The following THRB variants were observed in gnomAD, a reference collection of about 807,000 sequenced individuals.
The protein encoded by THRB is thyroid hormone receptor beta.
THRB carries 12 observed loss-of-function variants against 47.8 expected under a neutral mutation model. That is an observed-to-expected ratio of 0.25 (90% confidence interval 0.16 to 0.41). The LOEUF (loss-of-function observed/expected upper bound fraction) is 0.41, where lower values mean the gene tolerates loss of function less well. Among genes scored for constraint, THRB ranks in the 10% least tolerant of loss-of-function variants. THRB has a pLI of 1.00. For synonymous variants in THRB, 218 were observed against 212.2 expected, an observed-to-expected ratio of 1.03 and a Z score of -0.24; for missense variants, 348 against 589.2, an observed-to-expected ratio of 0.59 and a Z score of 4.24.
intron 1 of THRB, among the ~76,000 whole-genome samples, chr3:24,355,765 A>G (rs967989301): frequency 4.0e-5 from 6 of 151,864 alleles, no homozygotes; most frequent in Admixed American, 2.6e-4. Flanking sequence ...AGGTATACGT[A>G]TATTAGTAAA....
chr3:24,212,235 A>G (rs1382832525), intron 4 of THRB, among the ~76,000 whole-genome samples: 9 of 152,050 alleles, frequency 5.9e-5, no homozygotes, highest in East Asian at 1.9e-4. Context: ...CATCTCTACT[A>G]AAAATACAAA....
chr3:24,436,982 C>T (rs1475725685), intron 1 of THRB, among the ~76,000 whole-genome samples: 21 of 151,900 alleles, frequency 1.4e-4, no homozygotes, highest in Admixed American at 7.2e-4. Context: ...AGAGGGTTGA[C>T]GCAAAAGAGA....
intron 3 of THRB, among the ~76,000 whole-genome samples, chr3:24,277,808 T>C (rs767677571): frequency 1.3e-5 from 2 of 152,204 alleles, no homozygotes. Context: ...ATGTTACATA[T>C]AAATATGAGG....
intron 1 of THRB, among the ~76,000 whole-genome samples, chr3:24,338,231 C>T (rs2062394018): frequency 6.6e-6 from 1 of 151,928 alleles, no homozygotes; most frequent in African/African-American, 2.4e-5. Context: ...TGAAGAATGC[C>T]TTTTTTTAAA....
intron 4 of THRB, among the ~76,000 whole-genome samples, chr3:24,221,524 A>C (rs1489167658): frequency 1.3e-5 from 2 of 152,112 alleles, no homozygotes; most frequent in Non-Finnish European, 2.9e-5. Context: ...TGTGGGAGGC[A>C]ATGATCATAG....
intron 1 of THRB, among the ~76,000 whole-genome samples, chr3:24,351,681 A>C (rs1447810079): frequency 1.4e-5 from 2 of 147,474 alleles, no homozygotes; most frequent in Non-Finnish European, 3.1e-5. Context: ...GTCACACAGT[A>C]AATCAGTCAG....
chr3:24,429,063 C>A (rs1009014869), intron 1 of THRB, among the ~76,000 whole-genome samples: 3 of 151,510 alleles, frequency 2.0e-5, no homozygotes, highest in African/African-American at 7.3e-5. Context: ...AGGGGAGAAA[C>A]GTAGGTTTGG....
At chr3:24,463,693 G>A (rs2125679556) in intron 1 of THRB, among the ~76,000 whole-genome samples, 1 of 152,288 alleles carries the variant, frequency 6.6e-6, no homozygotes, top group Middle Eastern at 3.4e-3. Flanking sequence ...ATTAGAAATT[G>A]CTTCAAAAGT....
intron 3 of THRB, chr3:24,238,044 G>C (rs1272698319): frequency 6.6e-6 from 1 of 152,104 alleles, no homozygotes; most frequent in African/African-American, 2.4e-5. Flanking sequence ...CCTTATGGCT[G>C]TCTTTCTCTA....
intron 1 of THRB, among the ~76,000 whole-genome samples, chr3:24,376,238 C>T (rs1475174927): frequency 2.0e-5 from 3 of 152,082 alleles, no homozygotes; most frequent in African/African-American, 7.2e-5. Context: ...GACAACAGTC[C>T]ACGGCTGTGA....
intron 1 of THRB, among the ~76,000 whole-genome samples, chr3:24,410,368 C>T (rs1177978288): frequency 6.6e-6 from 1 of 151,500 alleles, no homozygotes; most frequent in Admixed American, 6.6e-5. Context: ...AGGTCAGCAG[C>T]AAAAATGCAA....
intron 1 of THRB, among the ~76,000 whole-genome samples, chr3:24,384,926 T>A (rs1243373723): frequency 6.6e-6 from 1 of 152,106 alleles, no homozygotes; most frequent in Non-Finnish European, 1.5e-5. Context: ...GCTCCACAGG[T>A]ACACACCCAT....
intron 3 of THRB, among the ~76,000 whole-genome samples, chr3:24,237,058 G>A (rs188382506): frequency 6.3e-4 from 96 of 152,274 alleles, no homozygotes; most frequent in African/African-American, 1.4e-3. Context: ...AAAAGCTAGC[G>A]TAGTTAGACT....
chr3:24,208,672 T>C, intron 4 of THRB, among the ~76,000 whole-genome samples: 1 of 152,202 alleles, frequency 6.6e-6, no homozygotes, highest in Non-Finnish European at 1.5e-5. Context: ...CTGGATCCCT[T>C]CCTTACACCT....
chr3:24,253,484 AAGC>A (rs1481090480), intron 3 of THRB, among the ~76,000 whole-genome samples: 13 of 152,192 alleles, frequency 8.5e-5, no homozygotes, highest in African/African-American at 3.1e-4. Context: ...CACATGGAAT[AAGC>A]AGCAGCAAAG....
At chr3:24,369,967 T>C (rs905744035) in intron 1 of THRB, among the ~76,000 whole-genome samples, 3 of 152,164 alleles carry the variant, frequency 2.0e-5, no homozygotes, top group African/African-American at 4.8e-5. Context: ...ACTACATAAC[T>C]AGGAGTCCTC....
At chr3:24,355,832 T>C (rs562687490) in intron 1 of THRB, among the ~76,000 whole-genome samples, 2 of 152,274 alleles carry the variant, frequency 1.3e-5, no homozygotes, top group South Asian at 4.1e-4. Flanking sequence ...TTAGCACTTG[T>C]ATATCAGAGT....
At chr3:24,427,200 A>C (rs1479412383) in intron 1 of THRB, among the ~76,000 whole-genome samples, 1 of 152,006 alleles carries the variant, frequency 6.6e-6, no homozygotes, top group African/African-American at 2.4e-5. Flanking sequence ...TGTGCCATAC[A>C]TGGAAAATGA....
At chr3:24,264,929 A>T (rs1459141431) in intron 3 of THRB, among the ~76,000 whole-genome samples, 1 of 152,234 alleles carries the variant, frequency 6.6e-6, no homozygotes, top group Non-Finnish European at 1.5e-5. Context: ...GAGGTAAGCT[A>T]ATAATACCAT....
Sources: gnomAD v4.1 joint callset for allele counts (sites outside exome capture counted in the v4.1 genomes callset) on GRCh38, gnomAD v4.1.1 for gene constraint, MANE v1.5 for transcripts, NCBI Gene and HGNC (gene_info 2026-07-23, HGNC 2026-07-21) for gene names.